LYPLAL1: variants seen among roughly 807,000 people sequenced by gnomAD.
The protein encoded by LYPLAL1 is lysophospholipase-like protein 1.
In LYPLAL1, 23 loss-of-function variants were observed where a neutral mutation model predicts 19.7. That is an observed-to-expected ratio of 1.17 (90% CI 0.84 to 1.65). LYPLAL1 has a LOEUF of 1.65. Ranked by LOEUF, LYPLAL1 falls within the 40% of genes most tolerant of loss-of-function variation. The probability of loss-of-function intolerance (pLI) is 0.00; values close to 1 mark genes in which losing one functional copy is unlikely to be tolerated. For missense variants in LYPLAL1, 355 were observed against 279.4 expected (o/e 1.27, Z -1.93); for synonymous variants, 119 against 96.3 (o/e 1.24, Z -1.38).
chr1:219,232,001 C>T, the LYPLAL1 span, among the ~76,000 whole-genome samples: 3 of 152,130 alleles, frequency 2.0e-5, no homozygotes, highest in Non-Finnish European at 2.9e-5. Context: ...AGACTATTGT[C>T]CCTTCCTATA....
At chr1:219,195,440 C>T (rs1354707053) in intron 3 of LYPLAL1, among the ~76,000 whole-genome samples, 1 of 149,538 alleles carries the variant, frequency 6.7e-6, no homozygotes, top group Admixed American at 6.6e-5. Context: ...AAAGTACATT[C>T]TTCATAAGCA....
At chr1:219,385,607 G>A in the LYPLAL1 span, among the ~76,000 whole-genome samples, 1 of 144,958 alleles carries the variant, frequency 6.9e-6, no homozygotes, top group Non-Finnish European at 1.6e-5. Context: ...AGGGCAAGGG[G>A]AAGGGCAATA....
chr1:219,214,449 T>C (rs1659214511), downstream of LYPLAL1, among the ~76,000 whole-genome samples: 2 of 152,096 alleles, frequency 1.3e-5, no homozygotes, highest in African/African-American at 4.8e-5. Context: ...GTATTGCTAT[T>C]AATTTTTCCT....
the LYPLAL1 span, among the ~76,000 whole-genome samples, chr1:219,229,325 G>GAGAGAGAGAGAGAGACAGAGAGAC: frequency 3.7e-5 from 4 of 107,638 alleles, no homozygotes; most frequent in African/African-American, 1.2e-4. Flanking sequence ...GAGAGAGAGA[G>GAGAGAGAGAGAGAGACAGAGAGAC]AGAGAGAGAG....
intron 3 of LYPLAL1, among the ~76,000 whole-genome samples, chr1:219,199,078 C>T (rs576742601): frequency 2.0e-4 from 31 of 152,204 alleles, no homozygotes; most frequent in African/African-American, 7.2e-4. Flanking sequence ...AAGTAGTATG[C>T]GTACTCCAAA....
the LYPLAL1 span, among the ~76,000 whole-genome samples, chr1:219,414,535 A>G: frequency 6.6e-6 from 1 of 152,216 alleles, no homozygotes; most frequent in East Asian, 1.9e-4. Context: ...ATTTTAAAAG[A>G]AAGTGATCAA....
chr1:219,374,358 A>G, the LYPLAL1 span, among the ~76,000 whole-genome samples: 1 of 152,068 alleles, frequency 6.6e-6, no homozygotes, highest in Non-Finnish European at 1.5e-5. Context: ...CTGATGACCC[A>G]TCCTGGCAGC....
chr1:219,403,945 T>C, the LYPLAL1 span, among the ~76,000 whole-genome samples: 5 of 152,142 alleles, frequency 3.3e-5, no homozygotes, highest in Admixed American at 3.3e-4. Context: ...ATTCATTTTC[T>C]CTCTGTTCTA....
At chr1:219,439,976 T>TATATATATATACACATATATATATATAC in the LYPLAL1 span, among the ~76,000 whole-genome samples, 1 of 59,794 alleles carries the variant, frequency 1.7e-5, no homozygotes, top group African/African-American at 7.6e-5. Context: ...TATATATACA[T>TATATATATATACACATATATATATATAC]ATATATATAT....
chr1:219,441,257 A>G, the LYPLAL1 span, among the ~76,000 whole-genome samples: 1 of 152,348 alleles, frequency 6.6e-6, no homozygotes, highest in Non-Finnish European at 1.5e-5. Flanking sequence ...ATAATCAGAC[A>G]TCTGTATACA....
chr1:219,273,753 T>C, the LYPLAL1 span, among the ~76,000 whole-genome samples: 3 of 152,274 alleles, frequency 2.0e-5, no homozygotes, highest in African/African-American at 4.8e-5. Context: ...GGTCTTTGTA[T>C]GTGTTTATTT....
At chr1:219,417,249 T>G in the LYPLAL1 span, among the ~76,000 whole-genome samples, 3 of 152,216 alleles carry the variant, frequency 2.0e-5, no homozygotes, top group Non-Finnish European at 2.9e-5. Context: ...ATTGTTTTTG[T>G]TTTGTGAGCC....
At chr1:219,216,277 C>A (rs551754771), downstream of LYPLAL1, among the ~76,000 whole-genome samples, 2 of 151,728 alleles carry the variant, frequency 1.3e-5, no homozygotes, top group Admixed American at 1.3e-4. Context: ...TTTTGTTGGT[C>A]CCTTTATAAT....
chr1:219,382,548 G>C, the LYPLAL1 span, among the ~76,000 whole-genome samples: 1 of 152,108 alleles, frequency 6.6e-6, no homozygotes, highest in Non-Finnish European at 1.5e-5. Flanking sequence ...ATTTTCAGTA[G>C]AGACAGGGTT....
At chr1:219,174,939 T>C in intron 1 of LYPLAL1, 1 of 985,016 alleles carries the variant, frequency 1.0e-6, no homozygotes, top group South Asian at 4.7e-5. Flanking sequence ...GAGAAAAAAA[T>C]GTGGTTAGGC....
At chr1:219,224,257 T>C in the LYPLAL1 span, among the ~76,000 whole-genome samples, 1 of 152,172 alleles carries the variant, frequency 6.6e-6, no homozygotes, top group African/African-American at 2.4e-5. Flanking sequence ...AATATATGAC[T>C]CTTTTAAAAT....
chr1:219,187,784 A>G (rs1445883293), intron 2 of LYPLAL1, among the ~76,000 whole-genome samples: 1 of 151,764 alleles, frequency 6.6e-6, no homozygotes, highest in Non-Finnish European at 1.5e-5. Context: ...TATCTGAAGC[A>G]TGATAGTAGG....
the LYPLAL1 span, among the ~76,000 whole-genome samples, chr1:219,307,221 C>T: frequency 3.9e-5 from 6 of 152,112 alleles, no homozygotes; most frequent in Admixed American, 6.6e-5. Flanking sequence ...AGCTTGACTG[C>T]GTTTCCCGAC....
the LYPLAL1 span, among the ~76,000 whole-genome samples, chr1:219,429,139 G>C: frequency 6.7e-3 from 1,019 of 152,268 alleles, 11 homozygotes; most frequent in African/African-American, 0.022. Context: ...TTTGGTAAGA[G>C]AATGAAGTAA....
Sources: allele counts gnomAD v4.1 joint callset (sites outside exome capture counted in the v4.1 genomes callset), GRCh38; gene constraint gnomAD v4.1.1; transcripts MANE v1.5; gene names NCBI Gene and HGNC (gene_info 2026-07-23, HGNC 2026-07-21).